Variants in SASH1 observed in about 807,000 individuals in gnomAD.
The protein encoded by SASH1 is SAM and SH3 domain-containing protein 1.
SASH1 carries 44 observed loss-of-function variants against 125.2 expected under a neutral mutation model. The observed-to-expected ratio is 0.35, with a 90% CI of 0.28 to 0.45. The LOEUF (loss-of-function observed/expected upper bound fraction) is 0.45. SASH1 is among the 20% of genes least tolerant of loss of function. SASH1 has a pLI of 1.00. For synonymous variants in SASH1, 639 were observed against 649.1 expected (o/e 0.98, Z 0.24); for missense variants, 1,426 against 1,614.5 (o/e 0.88, Z 2.00).
intron 1 of SASH1, among the ~76,000 whole-genome samples, chr6:148,322,991 TTCTC>T (rs1185804560): frequency 3.2e-5 from 4 of 126,598 alleles, no homozygotes; most frequent in Non-Finnish European, 6.8e-5. Flanking sequence ...CCCTTTCTCT[TTCTC>T]TCTCTCTCTC....
chr6:148,446,854 C>A (rs906957091), intron 4 of SASH1, among the ~76,000 whole-genome samples: 3 of 152,166 alleles, frequency 2.0e-5, no homozygotes, highest in Admixed American at 2.0e-4. Flanking sequence ...CACACACTTA[C>A]TAAGAAGCAG....
At chr6:148,226,355 T>A in the SASH1 span, among the ~76,000 whole-genome samples, 1 of 152,212 alleles carries the variant, frequency 6.6e-6, no homozygotes, top group Non-Finnish European at 1.5e-5. Flanking sequence ...CTATAGTTGC[T>A]TTTCCCTGAA....
intron 1 of SASH1, among the ~76,000 whole-genome samples, chr6:148,311,972 A>G (rs1197691040): frequency 6.6e-6 from 1 of 152,138 alleles, no homozygotes; most frequent in Non-Finnish European, 1.5e-5. Flanking sequence ...AAAGCAAGAA[A>G]CTTCTGTTAC....
At chr6:148,429,704 C>T (rs920919322) in intron 2 of SASH1, among the ~76,000 whole-genome samples, 5 of 151,778 alleles carry the variant, frequency 3.3e-5, no homozygotes, top group East Asian at 2.0e-4. Context: ...GGTCACACCA[C>T]GGTACTCCAG....
intron 1 of SASH1, among the ~76,000 whole-genome samples, chr6:148,348,880 T>G (rs1346718387): frequency 6.6e-6 from 1 of 152,248 alleles, no homozygotes; most frequent in Non-Finnish European, 1.5e-5. Context: ...TCGCTGAGTA[T>G]ATACCCAACC....
In SASH1 at chr6:148,532,220, G is replaced by A. The variant is rs1251998616; in HGVS notation, c.1564+559G>A. ...AGCCTTCCGCATAGCTGTACTACAG[G>A]GTCATGCCACCACACCCGGCTAATT... On this transcript the variant is annotated intron_variant, in intron 13 of 19. Transcript: ENST00000367467. This position sits in a 1 kb window ranked among gnomAD's most constrained non-coding sequence, Gnocchi z 4.7. Among the ~76,000 whole-genome samples, 1 of 151,952 alleles carries A rather than the reference G, an allele frequency of 6.6e-6. No homozygotes were observed. Among genetic ancestry groups the A allele is most frequent in the Non-Finnish European group, 1.5e-5 (1 of 68,014 alleles).
intron 1 of SASH1, among the ~76,000 whole-genome samples, chr6:148,279,948 C>T (rs1285129551): frequency 6.6e-6 from 1 of 150,384 alleles, no homozygotes; most frequent in African/African-American, 2.5e-5. Flanking sequence ...GATGATGCCA[C>T]TGCACTCCAG....
intron 1 of SASH1, among the ~76,000 whole-genome samples, chr6:148,363,384 C>T (rs559822303): frequency 2.0e-5 from 3 of 151,950 alleles, no homozygotes; most frequent in Admixed American, 6.6e-5. Context: ...TCCAATGATG[C>T]GCCTGCCTGG....
intron 4 of SASH1, among the ~76,000 whole-genome samples, chr6:148,445,593 C>T (rs1348057703): frequency 6.6e-6 from 1 of 152,188 alleles, no homozygotes; most frequent in Non-Finnish European, 1.5e-5. Flanking sequence ...TGACTCAAGT[C>T]GGCCTTCAGA....
intron 8 of SASH1, among the ~76,000 whole-genome samples, chr6:148,496,328 C>G (rs149196999): frequency 6.6e-6 from 1 of 152,284 alleles, no homozygotes; most frequent in African/African-American, 2.4e-5. Context: ...TGGTTTACAG[C>G]TAGAAAATGG....
At chr6:148,474,288 C>A in intron 7 of SASH1, 66 bp downstream of exon 7, 2 of 994,222 alleles carry the variant, frequency 2.0e-6, no homozygotes, top group Non-Finnish European at 3.1e-6. Context: ...AAAATGTTTG[C>A]GGCCAACAAG....
intron 2 of SASH1, among the ~76,000 whole-genome samples, chr6:148,399,214 CTTTTTTTTTTTTT>C (rs371374910): frequency 9.4e-6 from 1 of 106,662 alleles, no homozygotes. Context: ...ATTTCAGCTT[CTTTTTTTTTTTTT>C]TTTTTTTTTT....
intron 1 of SASH1, among the ~76,000 whole-genome samples, chr6:148,302,063 C>G (rs5016578): frequency 0.28 from 41,532 of 150,802 alleles, 6,065 homozygotes; most frequent in East Asian, 0.36. Flanking sequence ...CGCCTGTAAT[C>G]CCAGCACTTT....
At chr6:148,211,087 A>G in the SASH1 span, among the ~76,000 whole-genome samples, 1 of 152,228 alleles carries the variant, frequency 6.6e-6, no homozygotes, top group Non-Finnish European at 1.5e-5. Context: ...CGAATTGTGG[A>G]TATCAGATTT....
intron 4 of SASH1, among the ~76,000 whole-genome samples, chr6:148,467,775 A>G (rs1777915357): frequency 6.6e-6 from 1 of 152,152 alleles, no homozygotes; most frequent in Non-Finnish European, 1.5e-5. Context: ...CGTCTCTACT[A>G]AAAATACAAA....
At chr6:148,421,102 G>A (rs1785040773) in intron 2 of SASH1, among the ~76,000 whole-genome samples, 1 of 126,398 alleles carries the variant, frequency 7.9e-6, no homozygotes, top group Non-Finnish European at 1.7e-5. Flanking sequence ...GAAAAGAAAA[G>A]AAAAGAAAGG....
chr6:148,255,374 T>A, the SASH1 span, among the ~76,000 whole-genome samples: 1 of 152,160 alleles, frequency 6.6e-6, no homozygotes, highest in Non-Finnish European at 1.5e-5. Context: ...TGGACACCAA[T>A]CCTATTGGAT....
the SASH1 span, among the ~76,000 whole-genome samples, chr6:148,264,176 C>CAAAAAAAA: frequency 3.8e-5 from 2 of 52,398 alleles, 1 homozygote. Flanking sequence ...TTATTTTGAC[C>CAAAAAAAA]GAAAAAAAAA....
intron 7 of SASH1, among the ~76,000 whole-genome samples, chr6:148,481,494 A>G (rs1000454303): frequency 6.6e-6 from 1 of 152,138 alleles, no homozygotes; most frequent in African/African-American, 2.4e-5. Context: ...ACTAAGCTTA[A>G]TCATTCCTAG....
Sources: gnomAD v4.1 joint callset for allele counts (sites outside exome capture counted in the v4.1 genomes callset) on GRCh38, gnomAD v4.1.1 for gene constraint, Gnocchi (gnomAD v3.1) non-coding constraint, MANE v1.5 for transcripts, NCBI Gene and HGNC (gene_info 2026-07-23, HGNC 2026-07-21) for gene names.